SLC39A12: variants seen among roughly 807,000 people sequenced by gnomAD.
SLC39A12 encodes the protein zinc transporter ZIP12.
A neutral mutation model predicts 71.1 loss-of-function variants in SLC39A12; 63 were observed. The ratio of observed to expected loss-of-function variants is 0.89; its 90% CI spans 0.72 to 1.09. SLC39A12 has a LOEUF of 1.09. SLC39A12 is among the 50% of genes least tolerant of loss of function. The probability of loss-of-function intolerance (pLI) is 0.00; values close to 1 mark genes in which losing one functional copy is unlikely to be tolerated. For missense variants in SLC39A12, 892 were observed against 812.6 expected, an observed-to-expected ratio of 1.10 and a Z score of -1.19; for synonymous variants, 351 against 301.3, an observed-to-expected ratio of 1.16 and a Z score of -1.71.
chr10:18,007,625 G>T (rs1836067112), intron 12 of SLC39A12, among the ~76,000 whole-genome samples: 1 of 152,186 alleles, frequency 6.6e-6, no homozygotes, highest in Non-Finnish European at 1.5e-5. Context: ...CCATTTTCAT[G>T]GTTATTTCTT....
At chr10:18,030,623 T>TATTC (rs1836817556) in intron 12 of SLC39A12, among the ~76,000 whole-genome samples, 1 of 29,458 alleles carries the variant, frequency 3.4e-5, no homozygotes, top group Non-Finnish European at 1.3e-4. Flanking sequence ...TTTATTTATG[T>TATTC]ATTTATTTAT....
chr10:18,025,019 C>T (rs1167112626), intron 12 of SLC39A12, among the ~76,000 whole-genome samples: 1 of 152,100 alleles, frequency 6.6e-6, no homozygotes, highest in African/African-American at 2.4e-5. Context: ...AGTTTGGTCT[C>T]GTTTCTTGAT....
intron 12 of SLC39A12, among the ~76,000 whole-genome samples, chr10:18,017,510 T>A (rs1836419108): frequency 6.6e-6 from 1 of 152,178 alleles, no homozygotes; most frequent in African/African-American, 2.4e-5. Context: ...GGTTTCACCA[T>A]GTTAGCCAGG....
Position 17,987,619 on chromosome 10 carries a change from T to A in SLC39A12, c.1237T>A (p.Ser413Thr). The A allele has an allele frequency of 6.2e-7, 1 of 1,614,166 alleles. No individual in the cohort carries two copies. Among genetic ancestry groups the A allele is most frequent in the South Asian group, 1.1e-5 (1 of 91,082 alleles). Reference protein sequence around the residue: ...LFVGLAVGTLSGDALLHLIPQ... With the variant: ...LFVGLAVGTLTGDALLHLIPQ... ...TGTGGGCTTGGCCGTCGGGACACTG[T>A]CTGGGGACGCTCTGCTCCACCTTAT... The change falls in exon 7 of 13, where the codon TCT becomes ACT. Residue 413 changes from serine (S) to threonine (T), a missense_variant. By Grantham distance (58) the Ser-to-Thr change is moderately conservative. Transcript: ENST00000377369.
rs782532172 is a variant in SLC39A12, at chr10:17,953,271, G to A, written c.-6G>A. The A allele has an allele frequency of 1.4e-5, 22 of 1,613,296 alleles. No individual in the cohort carries two copies. The highest frequency in any genetic ancestry group is 2.7e-5 in the African/African-American group (2 of 74,906). ...AAGACAGACTCAAGGTGGAGGAAGC[G>A]TGGAAATGTGCTTCCGGACAAAGCT... On this transcript the variant is annotated 5_prime_UTR_variant, in exon 2 of 13. The change creates a new upstream start codon in the 5' untranslated region. Transcript: ENST00000377369.
chr10:17,956,762 C>T (rs1834559999), intron 2 of SLC39A12, among the ~76,000 whole-genome samples: 1 of 152,214 alleles, frequency 6.6e-6, no homozygotes, highest in Non-Finnish European at 1.5e-5. Flanking sequence ...CACACCTGGC[C>T]CTAGCCCCTG....
intron 12 of SLC39A12, among the ~76,000 whole-genome samples, chr10:18,036,346 CG>C (rs1837017613): frequency 6.6e-6 from 1 of 152,158 alleles, no homozygotes; most frequent in African/African-American, 2.4e-5. Flanking sequence ...GATATAATCT[CG>C]TGGTGCGCCG....
chr10:18,020,311 T>G (rs1038782793), intron 12 of SLC39A12, among the ~76,000 whole-genome samples: 1 of 152,116 alleles, frequency 6.6e-6, no homozygotes, highest in African/African-American at 2.4e-5. Context: ...TTCTTTTTTA[T>G]GGCTGTATAG....
At chr10:18,018,333 C>A (rs192457842) in intron 12 of SLC39A12, among the ~76,000 whole-genome samples, 2 of 152,076 alleles carry the variant, frequency 1.3e-5, no homozygotes, top group Non-Finnish European at 2.9e-5. Context: ...TGAACAAAGG[C>A]GGTCTTATTT....
chr10:17,962,326 G>T (rs1233243662), intron 3 of SLC39A12, among the ~76,000 whole-genome samples: 4 of 152,310 alleles, frequency 2.6e-5, no homozygotes, highest in African/African-American at 7.2e-5. Context: ...CATTACTCAT[G>T]GTTGCCAGCC....
chr10:18,042,626 C>T (rs1258474196), intron 12 of SLC39A12, 79 bp from the exon 13 acceptor site: 24 of 1,410,722 alleles, frequency 1.7e-5, no homozygotes, highest in African/African-American at 4.4e-5. Flanking sequence ...GAATAACAGT[C>T]GCTCATGTTT....
chr10:17,997,576 T>C (rs957973952), intron 10 of SLC39A12, among the ~76,000 whole-genome samples: 5 of 151,936 alleles, frequency 3.3e-5, no homozygotes, highest in African/African-American at 1.2e-4. Flanking sequence ...GATTAGGGAG[T>C]AACGATGGTC....
At chr10:18,028,221 G>C (rs756339548) in intron 12 of SLC39A12, among the ~76,000 whole-genome samples, 1 of 152,180 alleles carries the variant, frequency 6.6e-6, no homozygotes, top group Non-Finnish European at 1.5e-5. Flanking sequence ...CTTCATAGGA[G>C]ACGTCTCTAA....
At chr10:18,042,463 G>GC (rs1837284771) in intron 12 of SLC39A12, among the ~76,000 whole-genome samples, 1 of 115,058 alleles carries the variant, frequency 8.7e-6, no homozygotes, top group South Asian at 3.1e-4. Flanking sequence ...TGCCTCAAAA[G>GC]AAAAAAAAAA....
In SLC39A12 at chr10:18,042,746, G is replaced by C; in HGVS notation, c.1989G>C (p.Met663Ile). Residue 663 changes from methionine (M) to isoleucine (I), a missense_variant, in exon 13 of 13, where the codon ATG (methionine) becomes ATC (isoleucine). Coordinates refer to ENST00000377369, the MANE Select transcript of SLC39A12 (RefSeq NM_001145195.2). The part of the protein sequence containing the change: ...MTHVQTQRPW[M>I]MFLLQNFGLI... Reference sequence around the variant, plus strand: ...ATGTTCAAACACAACGACCCTGGATGATGTTTCTCCTGCAAAACTTTGGAT... The same window carrying C: ...ATGTTCAAACACAACGACCCTGGATCATGTTTCTCCTGCAAAACTTTGGAT... 2 of 1,612,818 alleles carry C rather than the reference G, an allele frequency of 1.2e-6. No homozygotes were observed. Among genetic ancestry groups the C allele is most frequent in the Non-Finnish European group, 1.7e-6 (2 of 1,179,530 alleles).
chr10:17,970,936 G>A, intron 4 of SLC39A12, among the ~76,000 whole-genome samples: 1 of 150,472 alleles, frequency 6.6e-6, no homozygotes, highest in South Asian at 2.1e-4. Flanking sequence ...CTAGCTCTGA[G>A]TCTAATATAT....
At chr10:18,012,861 G>A (rs907281754) in intron 12 of SLC39A12, among the ~76,000 whole-genome samples, 9 of 71,706 alleles carry the variant, frequency 1.3e-4, no homozygotes, top group Admixed American at 1.7e-4. Flanking sequence ...GTGAGACTAC[G>A]TCTCAAAAAA....
At chr10:17,984,992 G>A (rs7071264) in intron 6 of SLC39A12, among the ~76,000 whole-genome samples, 74,552 of 151,936 alleles carry the variant, frequency 0.49, 19,162 homozygotes, top group African/African-American at 0.64. Flanking sequence ...TAGAACTTAC[G>A]TTTCAGTAAA....
intron 4 of SLC39A12, among the ~76,000 whole-genome samples, chr10:17,965,984 T>C (rs1834816682): frequency 2.0e-5 from 3 of 152,226 alleles, no homozygotes; most frequent in Admixed American, 2.0e-4. Flanking sequence ...CTGAATAGTT[T>C]CTTATTTGGG....
Sources: allele counts gnomAD v4.1 joint callset (sites outside exome capture counted in the v4.1 genomes callset), GRCh38; gene constraint gnomAD v4.1.1; transcripts MANE v1.5; gene names NCBI Gene and HGNC (gene_info 2026-07-23, HGNC 2026-07-21).